Variants in TAF1 observed in about 807,000 individuals in gnomAD.
The protein encoded by TAF1 is transcription initiation factor TFIID subunit 1.
A neutral mutation model predicts 138.5 loss-of-function variants in TAF1; 2 were observed. The ratio of observed to expected loss-of-function variants is 0.01; its 90% CI spans 0.01 to 0.05. TAF1 has a LOEUF of 0.05. TAF1 is among the 10% of genes least tolerant of loss of function. TAF1 has a pLI of 1.00. For missense variants in TAF1, 709 were observed against 1,478.0 expected (o/e 0.48, Z 8.53); for synonymous variants, 437 against 503.2 (o/e 0.87, Z 1.76).
chrX:71,423,338 GGTGTAT>G, intron 30 of TAF1, 99 bp downstream of exon 30: 1 of 1,126,464 alleles, frequency 8.9e-7, no homozygotes. Flanking sequence ...TCTGAGTGGT[GGTGTAT>G]GTCAGTTGTG....
chrX:71,389,715 C>T lies in TAF1; in HGVS notation c.2781+50C>T, dbSNP rs28382176. ...TAGTCATTAATACATCTCATTTATCCTTTTAAAAGAGACAGCTTTATTGAG... is the reference window on the plus strand; with the variant it reads ...TAGTCATTAATACATCTCATTTATCTTTTTAAAAGAGACAGCTTTATTGAG... On this transcript the variant is annotated intron_variant, in intron 18 of 37. Transcript: ENST00000423759. 19,717 of 968,821 alleles carry T rather than the reference C, an allele frequency of 0.02. 1,369 individuals are homozygous for T. In the Admixed American group the frequency reaches 0.29, roughly 14 times the overall value. 79.8% of individuals were successfully genotyped at this position (968,821 alleles called of 1,213,427 possible).
chrX:71,522,979 CA>C (rs1880556405), intron 13 of TAF1, among the ~76,000 whole-genome samples: 1 of 109,090 alleles, frequency 9.2e-6, no homozygotes, highest in South Asian at 3.9e-4. Flanking sequence ...CTCAGGAGTT[CA>C]AGACCAGCCT....
At chrX:71,457,132 A>G (rs2038342776) in intron 34 of TAF1, among the ~76,000 whole-genome samples, 2 of 111,727 alleles carry the variant, frequency 1.8e-5, no homozygotes, top group Admixed American at 1.9e-4. Flanking sequence ...TTCCACATTG[A>G]TTTACCTGCT....
At chrX:71,393,117 T>C in intron 20 of TAF1, 123 bp downstream of exon 20, 1 of 1,079,146 alleles carries the variant, frequency 9.3e-7, no homozygotes, top group Non-Finnish European at 1.2e-6. Context: ...AGCTAAGTCT[T>C]AGATATTGTT....
chrX:71,427,136 T>G (rs2036630993), intron 32 of TAF1, among the ~76,000 whole-genome samples: 2 of 112,090 alleles, frequency 1.8e-5, no homozygotes, highest in Admixed American at 1.9e-4. Flanking sequence ...AACACAATGT[T>G]CAATATCATG....
At position 71,452,017 on chromosome X, in the gene TAF1, C is replaced by T. The variant is rs2037994524; in HGVS notation, c.4754-2153C>T. ...TACACCTCCCAGACGGGGTGGTGGC[C>T]GGGCAGAGGGGCTCCTCACTTCCCA... On this transcript the variant is annotated intron_variant, in intron 32 of 37. Coordinates refer to ENST00000423759, the MANE Select transcript of TAF1 (RefSeq NM_004606.5). Among the ~76,000 whole-genome samples, 2 of 111,323 alleles carry T rather than the reference C, an allele frequency of 1.8e-5. 1 individual carries two copies. Among genetic ancestry groups the T allele is most frequent in the African/African-American group, 6.5e-5 (2 of 30,731 alleles).
chrX:71,367,261 G>T (rs1272373284), intron 1 of TAF1, among the ~76,000 whole-genome samples: 2 of 108,553 alleles, frequency 1.8e-5, no homozygotes, highest in African/African-American at 7.3e-5. Context: ...GTCTTCTCTT[G>T]TAGTATACTT....
chrX:71,443,452 G>T (rs1274664717), intron 32 of TAF1, among the ~76,000 whole-genome samples: 1 of 111,064 alleles, frequency 9.0e-6, no homozygotes, highest in African/African-American at 3.3e-5. Flanking sequence ...TCATGATTTG[G>T]CTCTCTGTTG....
intron 21 of TAF1, among the ~76,000 whole-genome samples, chrX:71,393,851 A>G (rs984220704): frequency 1.6e-4 from 18 of 112,172 alleles, no homozygotes; most frequent in African/African-American, 4.2e-4. Flanking sequence ...TTATTTATCA[A>G]GTTGTCTCCA....
At chrX:71,483,780 CTATATATA>C (rs1556022684) in intron 13 of TAF1, among the ~76,000 whole-genome samples, 13 of 37,577 alleles carry the variant, frequency 3.5e-4, no homozygotes, top group African/African-American at 1.5e-3. Context: ...CTCTCTCTCT[CTATATATA>C]TATATATATA....
chrX:71,516,236 CTT>C (rs41469947), intron 13 of TAF1, among the ~76,000 whole-genome samples: 5 of 89,325 alleles, frequency 5.6e-5, no homozygotes, highest in Non-Finnish European at 6.7e-5. Flanking sequence ...TGATTTTTTG[CTT>C]TTTTTTTTTT....
chrX:71,519,744 A>G (rs144845453), intron 13 of TAF1, among the ~76,000 whole-genome samples: 1,861 of 112,650 alleles, frequency 0.017, 42 homozygotes, highest in African/African-American at 0.057. Context: ...TAGTGTACCA[A>G]TACTTTATTT....
chrX:71,440,458 T>C (rs1303897219), intron 32 of TAF1, among the ~76,000 whole-genome samples: 1 of 110,617 alleles, frequency 9.0e-6, no homozygotes, highest in Non-Finnish European at 1.9e-5. Context: ...TGCCCAAGAA[T>C]AGAATGGTAT....
intron 13 of TAF1, among the ~76,000 whole-genome samples, chrX:71,494,399 G>T (rs981731772): frequency 9.0e-6 from 1 of 110,782 alleles, no homozygotes; most frequent in Admixed American, 9.6e-5. Context: ...CTCCAGCCTG[G>T]GCAACAGAGT....
At chrX:71,376,536 G>A (rs1025251795) in intron 4 of TAF1, among the ~76,000 whole-genome samples, 2 of 109,459 alleles carry the variant, frequency 1.8e-5, no homozygotes, top group Non-Finnish European at 3.8e-5. Flanking sequence ...CTGTCGTGGC[G>A]CATGACTGTA....
At chrX:71,483,740 ATCTCTCTC>A (rs1167670247) in intron 13 of TAF1, among the ~76,000 whole-genome samples, 153 of 62,373 alleles carry the variant, frequency 2.5e-3, no homozygotes, top group African/African-American at 8.3e-3. Context: ...TATTGTGAAC[ATCTCTCTC>A]TCTCTCTCTC....
downstream of TAF1, chrX:71,466,339 C>T (rs113220581): frequency 0.031 from 3,418 of 109,749 alleles, 104 homozygotes; most frequent in African/African-American, 0.094. Context: ...CTCCACCTCC[C>T]GGGTTCAAGC....
chrX:71,464,178 T>G lies in TAF1; in HGVS notation c.*132T>G, dbSNP rs146478889. ...AAATTAACTAACACCTTAGCCTTTT[T>G]AAAAGTAGTAAGTAAATGATAATAA... On this transcript the variant is annotated 3_prime_UTR_variant, in exon 38 of 38. Coordinates refer to ENST00000423759, the MANE Select transcript of TAF1 (RefSeq NM_004606.5). 1 of 555,731 alleles carries G rather than the reference T, an allele frequency of 1.8e-6. No individual in the cohort carries two copies. The highest frequency in any genetic ancestry group is 3.6e-5 in the East Asian group (1 of 27,565). The allele number at this position is 555,731 out of a possible 1,213,427, so 45.8% of individuals were successfully genotyped here. A position where few individuals can be genotyped will look rare whatever the true frequency, so the allele number is the denominator to read the frequency against.
chrX:71,379,090 G>T, intron 8 of TAF1, 59 bp downstream of exon 8: 3 of 899,214 alleles, frequency 3.3e-6, no homozygotes, highest in Non-Finnish European at 3.1e-6. Flanking sequence ...GTCACCATAA[G>T]TGGGCTCAGC....
Sources: allele counts gnomAD v4.1 joint callset (sites outside exome capture counted in the v4.1 genomes callset), GRCh38; gene constraint gnomAD v4.1.1; transcripts MANE v1.5; gene names NCBI Gene and HGNC (gene_info 2026-07-23, HGNC 2026-07-21).